The following ACACB variants were observed in gnomAD, a reference collection of about 807,000 sequenced individuals.
ACACB encodes the protein acetyl-CoA carboxylase 2.
ACACB carries 209 observed loss-of-function variants against 278.8 expected under a neutral mutation model. The ratio of observed to expected loss-of-function variants is 0.75; its 90% CI spans 0.67 to 0.84. The LOEUF is 0.84. Among genes scored for constraint, ACACB ranks in the 40% least tolerant of loss-of-function variants. ACACB has a pLI of 0.00. For synonymous variants in ACACB, 1,174 were observed against 1,285.6 expected, an observed-to-expected ratio of 0.91 and a Z score of 1.86; for missense variants, 2,850 against 3,269.0, an observed-to-expected ratio of 0.87 and a Z score of 3.13.
intron 37 of ACACB, among the ~76,000 whole-genome samples, chr12:109,245,077 C>T (rs931453808): frequency 4.0e-5 from 6 of 151,634 alleles, no homozygotes; most frequent in East Asian, 1.9e-4. Context: ...TGCCTCAACC[C>T]GGGAGGTTGA....
intron 2 of ACACB, among the ~76,000 whole-genome samples, chr12:109,150,444 C>T (rs1050580815): frequency 6.6e-6 from 1 of 152,178 alleles, no homozygotes; most frequent in Non-Finnish European, 1.5e-5. Context: ...GGTGAAGTGT[C>T]CCGATAAAAG....
In ACACB at chr12:109,171,033, T is replaced by TTG. The variant is rs1479783937; in HGVS notation, c.926-769_926-768dup. ...TTTGGATTTTTTTTTTTTTTTTTTTTTGTGGAGACAAAGTCTCTGTGTGTT... is the reference window on the plus strand; with the variant it reads ...TTTGGATTTTTTTTTTTTTTTTTTTTTGTGTGGAGACAAAGTCTCTGTGTGTT... On this transcript the variant is annotated intron_variant, in intron 4 of 52. Transcript: ENST00000338432. Among the ~76,000 whole-genome samples the TTG allele has an allele frequency of 1.8e-3, 267 of 149,878 alleles. 1 individual carries two copies. The highest frequency in any genetic ancestry group is 0.01 in the Middle Eastern group (3 of 292).
Position 109,179,097 on chromosome 12 carries a change from G to A in ACACB, c.1447G>A (p.Glu483Lys), listed in dbSNP as rs1162220161. The A allele has an allele frequency of 1.9e-6, 3 of 1,612,988 alleles. No homozygotes were observed. Among genetic ancestry groups the A allele is most frequent in the Non-Finnish European group, 8.5e-7 (1 of 1,179,472 alleles). The part of the protein sequence containing the change: ...FPILFRQVQS[E>K]IPGSPIFLMK... ...CTGCTTCCCCCGACAGGTACAGAGT[G>A]AGATCCCAGGCTCGCCCATCTTTCT... is the stretch of plus-strand genomic sequence containing the variant. Residue 483 changes from glutamate to lysine, a missense_variant, in exon 10 of 53, where the codon GAG becomes AAG. Physicochemically the swap from Glu to Lys is moderately conservative, Grantham distance 56. This residue lies in a region of ACACB where 2,265 missense variants were observed against 2,561.3 expected (regional missense o/e 0.88). Transcript: ENST00000338432.
intron 28 of ACACB, among the ~76,000 whole-genome samples, chr12:109,227,794 G>A (rs17848821): frequency 0.14 from 20,820 of 152,052 alleles, 1,814 homozygotes; most frequent in African/African-American, 0.25. Flanking sequence ...GCACTTTGGG[G>A]GGCCGAGGCG....
chr12:109,251,288 T>C (rs904174916), intron 41 of ACACB, among the ~76,000 whole-genome samples: 10 of 152,330 alleles, frequency 6.6e-5, no homozygotes, highest in African/African-American at 1.9e-4. Context: ...AGCAACTGCC[T>C]AACTATCACC....
intron 34 of ACACB, among the ~76,000 whole-genome samples, chr12:109,238,394 T>TTATATATATATATTATATATATAATATA (rs1323453894): frequency 7.0e-6 from 1 of 141,896 alleles, no homozygotes; most frequent in African/African-American, 2.6e-5. Context: ...ATATATATTA[T>TTATATATATATATTATATATATAATATA]TATATATATA....
At chr12:109,210,607 A>G (rs927894432) in intron 21 of ACACB, among the ~76,000 whole-genome samples, 9 of 149,854 alleles carry the variant, frequency 6.0e-5, no homozygotes, top group Middle Eastern at 7.1e-3. Context: ...ATGTATATAT[A>G]TAATATTTTT....
chr12:109,265,391 C>G lies in ACACB; in HGVS notation c.7116C>G (p.Ala2372=). The G allele has an allele frequency of 1.2e-6, 2 of 1,613,916 alleles. No homozygotes were observed. The highest frequency in any genetic ancestry group is 1.3e-5 in the African/African-American group (1 of 75,048). Residue 2372 remains alanine, a splice_region_variant and synonymous_variant, in exon 52 of 53, where the codon GCC becomes GCG. Transcript: ENST00000338432. ...GGCATCCTCTGCCCCCTCCCCAGGC[C>G]TACTTGTGGGACAACAACCAGGTGG... ...WFVETEGAVK[A]YLWDNNQVVV... is the part of the protein sequence containing the mutation.
In ACACB at chr12:109,202,827, A is replaced by C. The variant is rs541936858; in HGVS notation, c.2913+1126A>C. On this transcript the variant is annotated intron_variant, in intron 19 of 52. Transcript: ENST00000338432. ...AATATTGGTACATTATTGTTCACTC[A>C]GATTTCTTTAGTTCATTTTTTAAAA... Among the ~76,000 whole-genome samples, 18 of 152,290 alleles carry C rather than the reference A, an allele frequency of 1.2e-4. No individual in the cohort carries two copies. The East Asian group carries it at 3.5e-3, about 29-fold the overall frequency.
chr12:109,171,853 A>G lies in ACACB; in HGVS notation c.974A>G (p.Asn325Ser), dbSNP rs750388902. 78 of 1,614,070 alleles carry G rather than the reference A, an allele frequency of 4.8e-5. No individual in the cohort carries two copies. The highest frequency in any genetic ancestry group is 6.4e-5 in the Non-Finnish European group (76 of 1,180,040). ...TACGTCCCCGTCCCAGGAGGGCCCAATAACAACAACTATGCCAACGTGGAG... is the reference window on the plus strand; with the variant it reads ...TACGTCCCCGTCCCAGGAGGGCCCAGTAACAACAACTATGCCAACGTGGAG... The part of the protein sequence containing the change: ...DHYVPVPGGP[N>S]NNNYANVELI... Residue 325 changes from asparagine to serine, a missense_variant, in exon 5 of 53, where the codon AAT becomes AGT. Coordinates refer to ENST00000338432, the MANE Select transcript of ACACB (RefSeq NM_001093.4).
chr12:109,133,863 A>ATT (rs67896522), intron 1 of ACACB, among the ~76,000 whole-genome samples: 115 of 70,580 alleles, frequency 1.6e-3, no homozygotes, highest in South Asian at 2.6e-3. Flanking sequence ...ATATATATAT[A>ATT]TTTTTTTTTT....
chr12:109,122,475 G>A (rs1455734840), intron 1 of ACACB, among the ~76,000 whole-genome samples: 2 of 150,800 alleles, frequency 1.3e-5, no homozygotes, highest in East Asian at 2.0e-4. Flanking sequence ...TTGGGAGGCC[G>A]AGGAGGGGGA....
chr12:109,126,996 G>A (rs1356296509), intron 1 of ACACB, among the ~76,000 whole-genome samples: 1 of 152,192 alleles, frequency 6.6e-6, no homozygotes, highest in Non-Finnish European at 1.5e-5. Context: ...CAGAGATGTA[G>A]TAATCTTTTG....
intron 19 of ACACB, among the ~76,000 whole-genome samples, 177 bp from the exon 20 acceptor site, chr12:109,206,533 T>A (rs371389532): frequency 6.6e-6 from 1 of 151,816 alleles, no homozygotes; most frequent in Admixed American, 6.6e-5. Context: ...AAAACCCACA[T>A]TGGGGTGTGA....
intron 37 of ACACB, among the ~76,000 whole-genome samples, chr12:109,243,743 C>T (rs2046863785): frequency 6.6e-6 from 1 of 151,986 alleles, no homozygotes; most frequent in Non-Finnish European, 1.5e-5. Context: ...CCTGAAAGAA[C>T]ATTTGGGTGC....
At chr12:109,186,864 C>T (rs1022892223) in intron 12 of ACACB, among the ~76,000 whole-genome samples, 1 of 152,128 alleles carries the variant, frequency 6.6e-6, no homozygotes, top group Non-Finnish European at 1.5e-5. Context: ...ACAGCCCAGG[C>T]ACTTGGGTCG....
chr12:109,237,177 C>T lies in ACACB; in HGVS notation c.4459C>T (p.Arg1487Cys), dbSNP rs1367890585. The T allele has an allele frequency of 1.1e-5, 18 of 1,614,120 alleles. No homozygotes were observed. Among genetic ancestry groups the T allele is most frequent in the South Asian group, 2.2e-5 (2 of 91,076 alleles). ...GGTCCGCCTACAGTTTGCAGAAGAT[C>T]GCATTTACCGTCACTTGGAACCTGC... ...FRARDEFAED[R>C]IYRHLEPALA... The change falls in exon 34 of 53, where the codon CGC becomes TGC. Residue 1487 changes from arginine to cysteine, a missense_variant. Around this residue, in one of 3 missense-constraint regions of ACACB, gnomAD observed 2,265 missense variants for 2,561.3 expected, o/e 0.88. Coordinates refer to ENST00000338432, the MANE Select transcript of ACACB (RefSeq NM_001093.4).
chr12:109,245,170 GA>G (rs3831809), intron 37 of ACACB, among the ~76,000 whole-genome samples: 13 of 146,326 alleles, frequency 8.9e-5, no homozygotes, highest in South Asian at 2.2e-4. Context: ...GGCAACAAGA[GA>G]AAAAAAAAAT....
intron 21 of ACACB, 22 bp downstream of exon 21, chr12:109,209,375 C>G: frequency 6.3e-7 from 1 of 1,594,330 alleles, no homozygotes; most frequent in Non-Finnish European, 8.6e-7. Context: ...CCTGCCCAGC[C>G]CCACCCCACC....
Sources: gnomAD v4.1 joint callset for allele counts (sites outside exome capture counted in the v4.1 genomes callset) on GRCh38, gnomAD v4.1.1 for gene constraint, gnomAD v4.1.1 regional missense constraint, MANE v1.5 for transcripts, NCBI Gene and HGNC (gene_info 2026-07-23, HGNC 2026-07-21) for gene names.